Variants in FAR2 observed in about 807,000 individuals in gnomAD.
FAR2 encodes epididymis secretory protein Li 81.
A neutral mutation model predicts 56.0 loss-of-function variants in FAR2; 19 were observed. That is an observed-to-expected ratio of 0.34 (90% confidence interval 0.24 to 0.50). FAR2 has a LOEUF of 0.50. Ranked by LOEUF, FAR2 falls within the 20% of genes least tolerant of loss-of-function variation. The probability of loss-of-function intolerance (pLI) is 0.98; values close to 1 mark genes in which losing one functional copy is unlikely to be tolerated. For synonymous variants in FAR2, 219 were observed against 218.8 expected (o/e 1.00, Z -0.01); for missense variants, 508 against 642.2 (o/e 0.79, Z 2.26).
intron 1 of FAR2, among the ~76,000 whole-genome samples, chr12:29,181,623 C>T (rs1042007458): frequency 6.6e-6 from 1 of 152,114 alleles, no homozygotes; most frequent in Non-Finnish European, 1.5e-5. Context: ...TCAGTGACAC[C>T]CATCAGCTCC....
intron 1 of FAR2, among the ~76,000 whole-genome samples, chr12:29,238,475 AT>A (rs1341435274): frequency 1.3e-5 from 2 of 152,078 alleles, no homozygotes; most frequent in African/African-American, 4.8e-5. Context: ...TATTTTAAAA[AT>A]ATCTCTGTTT....
chr12:29,211,033 G>A (rs1329628681), intron 1 of FAR2, among the ~76,000 whole-genome samples: 1 of 152,040 alleles, frequency 6.6e-6, no homozygotes, highest in African/African-American at 2.4e-5. Flanking sequence ...GTGTGTGTGT[G>A]CATATATATA....
intron 1 of FAR2, among the ~76,000 whole-genome samples, chr12:29,256,796 G>C (rs571872821): frequency 6.6e-6 from 1 of 152,218 alleles, no homozygotes; most frequent in African/African-American, 2.4e-5. Flanking sequence ...GCCAGCTGCC[G>C]AGGAGGGTGT....
chr12:29,291,914 A>T lies in FAR2; in HGVS notation c.190-1386A>T, dbSNP rs572973289. Among the ~76,000 whole-genome samples, 5 of 152,350 alleles carry T rather than the reference A, an allele frequency of 3.3e-5. No homozygotes were observed. In the South Asian group the frequency reaches 8.3e-4, roughly 25 times the overall value. On this transcript the variant is annotated intron_variant, in intron 2 of 11. Transcript: ENST00000536681. ...ATTGATGCAGCCAATTCATTGATTT[A>T]TTTCAGTGGAACATTATCAACTACT... is the stretch of plus-strand genomic sequence containing the variant.
At chr12:29,318,961 A>C (rs1026627506) in intron 9 of FAR2, among the ~76,000 whole-genome samples, 11 of 151,150 alleles carry the variant, frequency 7.3e-5, no homozygotes, top group African/African-American at 2.7e-4. Flanking sequence ...CAGTGTATGA[A>C]GGGTACAAAA....
At position 29,308,709 on chromosome 12, in the gene FAR2, C is replaced by CATATAT. The variant is rs1428996085; in HGVS notation, c.724-476_724-475insTATATA. On this transcript the variant is annotated intron_variant, in intron 5 of 11. Coordinates refer to ENST00000536681, the MANE Select transcript of FAR2 (RefSeq NM_001271783.2). ...ACACAGACACACACACACACACACA[C>CATATAT]ACACACACACATATATATATATATG... Among the ~76,000 whole-genome samples the CATATAT allele has an allele frequency of 8.6e-3, 887 of 103,656 alleles. 10 individuals are homozygous for CATATAT. The highest frequency in any genetic ancestry group is 0.021 in the Admixed American group (241 of 11,486). The allele number at this position is 103,656 out of a possible 152,430, so 68.0% of individuals were successfully genotyped here. A position where few individuals can be genotyped will look rare whatever the true frequency, so the allele number is the denominator to read the frequency against.
chr12:29,177,531 T>G (rs1046156205), intron 1 of FAR2, among the ~76,000 whole-genome samples: 3 of 152,206 alleles, frequency 2.0e-5, no homozygotes, highest in African/African-American at 7.2e-5. Context: ...TGTGGCTAAC[T>G]AACAAGGGCT....
At chr12:29,302,533 A>G (rs1949192165) in intron 4 of FAR2, among the ~76,000 whole-genome samples, 1 of 152,218 alleles carries the variant, frequency 6.6e-6, no homozygotes, top group South Asian at 2.1e-4. Flanking sequence ...TGTTACGTGT[A>G]GGGAAGAAGT....
chr12:29,213,362 C>T (rs1565473436), intron 1 of FAR2, among the ~76,000 whole-genome samples: 1 of 152,104 alleles, frequency 6.6e-6, no homozygotes, highest in Admixed American at 6.6e-5. Flanking sequence ...AGCACTGAAT[C>T]ATAAAGGCCC....
chr12:29,218,192 TA>T (rs1391728422), intron 1 of FAR2, among the ~76,000 whole-genome samples: 2 of 151,618 alleles, frequency 1.3e-5, no homozygotes, highest in Admixed American at 6.6e-5. Flanking sequence ...TTGTCTCTAC[TA>T]AAAAATACAA....
chr12:29,202,432 C>A lies in FAR2; in HGVS notation c.-39+53025C>A, dbSNP rs552466345. 9.8e-5 allele frequency among the ~76,000 whole-genome samples: 15 copies of A among 152,292 alleles called. No homozygotes were observed. The South Asian group carries it at 2.9e-3, about 29-fold the overall frequency. ...TTTAACAGATCAACATGGTGGCAGTCATCACTACCAACTTTTAAGAACGTA... is the reference window on the plus strand; with the variant it reads ...TTTAACAGATCAACATGGTGGCAGTAATCACTACCAACTTTTAAGAACGTA... On this transcript the variant is annotated intron_variant, in intron 1 of 11. Coordinates refer to ENST00000536681, the MANE Select transcript of FAR2 (RefSeq NM_001271783.2).
chr12:29,152,691 A>G (rs2136570043), intron 1 of FAR2, among the ~76,000 whole-genome samples: 1 of 152,378 alleles, frequency 6.6e-6, no homozygotes, highest in South Asian at 2.1e-4. Flanking sequence ...AACTTATGAC[A>G]TCATTAGTAA....
chr12:29,277,315 T>C (rs956045530), intron 2 of FAR2: 12 of 152,052 alleles, frequency 7.9e-5, no homozygotes, highest in African/African-American at 2.9e-4. Context: ...TGAGGCAAAA[T>C]AAGGAAATCC....
intron 2 of FAR2, among the ~76,000 whole-genome samples, chr12:29,290,282 C>T (rs1360473360): frequency 6.6e-6 from 1 of 151,932 alleles, no homozygotes; most frequent in Non-Finnish European, 1.5e-5. Context: ...CCCATCTCTA[C>T]TAAAAATACA....
At chr12:29,274,409 T>C (rs1181617464) in intron 2 of FAR2, among the ~76,000 whole-genome samples, 5 of 152,160 alleles carry the variant, frequency 3.3e-5, no homozygotes, top group Admixed American at 2.0e-4. Flanking sequence ...TTCCATGATG[T>C]ATATGTGCCA....
At chr12:29,212,499 G>A (rs143088877) in intron 1 of FAR2, among the ~76,000 whole-genome samples, 256 of 152,058 alleles carry the variant, frequency 1.7e-3, no homozygotes, top group African/African-American at 6.0e-3. Context: ...CTTTTCTTAT[G>A]TCTTCTTTTC....
At chr12:29,288,934 T>C (rs1308192899) in intron 2 of FAR2, among the ~76,000 whole-genome samples, 2 of 152,132 alleles carry the variant, frequency 1.3e-5, no homozygotes, top group Admixed American at 1.3e-4. Context: ...AAAAAGCCTT[T>C]AAAATAGCCA....
chr12:29,230,654 G>A (rs1947844073), intron 1 of FAR2, among the ~76,000 whole-genome samples: 1 of 151,998 alleles, frequency 6.6e-6, no homozygotes, highest in Non-Finnish European at 1.5e-5. Context: ...AAGCAGAGAT[G>A]GTGAGATGTG....
At chr12:29,272,320 T>G (rs1437174933) in intron 2 of FAR2, among the ~76,000 whole-genome samples, 1 of 152,176 alleles carries the variant, frequency 6.6e-6, no homozygotes, top group Non-Finnish European at 1.5e-5. Context: ...CTTGGAGGCT[T>G]TGTTCATTCC....
Sources: allele counts gnomAD v4.1 joint callset (sites outside exome capture counted in the v4.1 genomes callset), GRCh38; gene constraint gnomAD v4.1.1; transcripts MANE v1.5; gene names NCBI Gene and HGNC (gene_info 2026-07-23, HGNC 2026-07-21).